Variants in SMAD6 observed in about 807,000 individuals in gnomAD.
The protein encoded by SMAD6 is MAD homolog 6.
In SMAD6, 103 loss-of-function variants were observed where a neutral mutation model predicts 39.4. The ratio of observed to expected loss-of-function variants is 2.62; its 90% CI spans 2.23 to 3.08. The LOEUF is 3.08. Ranked by LOEUF, SMAD6 falls within the 30% of genes most tolerant of loss-of-function variation. The probability of loss-of-function intolerance (pLI) is 0.00; values close to 1 mark genes in which losing one functional copy is unlikely to be tolerated. For synonymous variants in SMAD6, 445 were observed against 353.3 expected (o/e 1.26, Z -2.91); for missense variants, 1,104 against 742.9 (o/e 1.49, Z -5.65).
intron 3 of SMAD6, among the ~76,000 whole-genome samples, chr15:66,751,260 C>T (rs1894001126): frequency 6.6e-6 from 1 of 152,160 alleles, no homozygotes; most frequent in African/African-American, 2.4e-5. Context: ...ACTCCAGAAT[C>T]CGAAGGTGGG....
At chr15:66,715,790 TA>T (rs796989162) in intron 2 of SMAD6, among the ~76,000 whole-genome samples, 1 of 145,232 alleles carries the variant, frequency 6.9e-6, no homozygotes. Context: ...AAGAACGCCT[TA>T]AAAAAAAACA....
At chr15:66,717,250 C>T (rs756789825) in intron 3 of SMAD6, 5 of 684,158 alleles carry the variant, frequency 7.3e-6, no homozygotes, top group South Asian at 1.4e-5. Context: ...GGACTGACAG[C>T]CCCTCAGGCT....
At chr15:66,774,388 C>T (rs1307520220) in intron 3 of SMAD6, among the ~76,000 whole-genome samples, 1 of 152,166 alleles carries the variant, frequency 6.6e-6, no homozygotes, top group African/African-American at 2.4e-5. Context: ...ATGTTGGGCT[C>T]GCAGCACCCT....
chr15:66,716,774 A>G (rs1893338397), intron 3 of SMAD6, among the ~76,000 whole-genome samples: 1 of 152,204 alleles, frequency 6.6e-6, no homozygotes, highest in Non-Finnish European at 1.5e-5. Flanking sequence ...AAATGATAAA[A>G]GCTCAGCACA....
At chr15:66,774,986 G>A (rs1157063570) in intron 3 of SMAD6, among the ~76,000 whole-genome samples, 1 of 151,902 alleles carries the variant, frequency 6.6e-6, no homozygotes, top group Non-Finnish European at 1.5e-5. Context: ...TCAGCCTCCC[G>A]AATAGTTGGG....
At chr15:66,739,923 C>T (rs904723335) in intron 3 of SMAD6, among the ~76,000 whole-genome samples, 1 of 152,198 alleles carries the variant, frequency 6.6e-6, no homozygotes, top group Non-Finnish European at 1.5e-5. Context: ...CACAGGAACG[C>T]ACCACTGCAC....
chr15:66,751,954 ACTC>A (rs1397684807), intron 3 of SMAD6, among the ~76,000 whole-genome samples: 1 of 150,020 alleles, frequency 6.7e-6, no homozygotes, highest in Non-Finnish European at 1.5e-5. Flanking sequence ...CTTTCCTCCT[ACTC>A]CTTCCGTAGG....
At chr15:66,727,102 CTT>C (rs35592663) in intron 3 of SMAD6, among the ~76,000 whole-genome samples, 123 of 141,272 alleles carry the variant, frequency 8.7e-4, no homozygotes, top group Admixed American at 9.7e-4. Flanking sequence ...TCTTCTTCTT[CTT>C]TTTTTTTTTT....
chr15:66,716,504 C>T lies in SMAD6; in HGVS notation c.952+6C>T. ...TGCTCCGGGTGAATTCTCAGGTCAG[C>T]ATTTTTTCTTGTGCATTGCTGTTGT... On this transcript the variant is annotated splice_donor_region_variant and intron_variant, in intron 3 of 3. Transcript: ENST00000288840. The T allele has an allele frequency of 6.2e-7, 1 of 1,606,990 alleles. No individual in the cohort carries two copies. The highest frequency in any genetic ancestry group is 8.5e-7 in the Non-Finnish European group (1 of 1,173,560).
In SMAD6 at chr15:66,781,368, G is replaced by C. The variant is rs778302338; in HGVS notation, c.1324G>C (p.Glu442Gln). The change falls in exon 4 of 4, where the codon GAG (glutamate) becomes CAG (glutamine). Residue 442 changes from glutamate to glutamine, a missense_variant. Coordinates refer to ENST00000288840, the MANE Select transcript of SMAD6 (RefSeq NM_005585.5). Reference sequence around the variant, plus strand: ...CTACTCCATCAAGGTGTTCGACTTCGAGCGCTCGGGCCTGCAGCACGCGCC... The same window carrying C: ...CTACTCCATCAAGGTGTTCGACTTCCAGCGCTCGGGCCTGCAGCACGCGCC... Reference protein sequence around the residue: ...PGYSIKVFDFERSGLQHAPEP... With the variant: ...PGYSIKVFDFQRSGLQHAPEP... The C allele has an allele frequency of 1.3e-6, 2 of 1,599,874 alleles. No homozygotes were observed. The highest frequency in any genetic ancestry group is 1.1e-5 in the South Asian group (1 of 90,838).
intron 3 of SMAD6, among the ~76,000 whole-genome samples, chr15:66,765,684 A>T (rs1018269961): frequency 1.1e-4 from 16 of 152,300 alleles, no homozygotes; most frequent in Non-Finnish European, 1.9e-4. Context: ...CACAGACAAG[A>T]GAAACCGAGT....
chr15:66,754,199 G>A (rs891638506), intron 3 of SMAD6, among the ~76,000 whole-genome samples: 16 of 152,110 alleles, frequency 1.1e-4, no homozygotes, highest in African/African-American at 3.9e-4. Flanking sequence ...TCAGTAAGTG[G>A]GCCAACCTCT....
intron 3 of SMAD6, among the ~76,000 whole-genome samples, chr15:66,748,638 C>T (rs897870810): frequency 2.0e-5 from 3 of 152,160 alleles, no homozygotes; most frequent in Non-Finnish European, 4.4e-5. Flanking sequence ...TGAACTGCCA[C>T]CTGAATCTCC....
rs1167279905 is a variant in SMAD6, at chr15:66,703,339, C to T, written c.81C>T (p.Ser27=). 31 of 1,477,692 alleles carry T rather than the reference C, an allele frequency of 2.1e-5. No homozygotes were observed. The highest frequency in any genetic ancestry group is 2.8e-5 in the Non-Finnish European group (31 of 1,113,452). The allele number at this position is 1,477,692 out of a possible 1,614,324, so 91.5% of individuals were successfully genotyped here. Residue 27 remains serine (S), a synonymous_variant, in exon 1 of 4, where the codon AGC becomes AGT. Coordinates refer to ENST00000288840, the MANE Select transcript of SMAD6 (RefSeq NM_005585.5). ...RVVPDREEGG[S]GGGGGGDEDG... ...TCCCCGACCGGGAGGAAGGCGGCAG[C>T]GGCGGCGGCGGTGGCGGCGACGAGG...
At chr15:66,745,191 T>G (rs1893886043) in intron 3 of SMAD6, among the ~76,000 whole-genome samples, 1 of 152,114 alleles carries the variant, frequency 6.6e-6, no homozygotes, top group African/African-American at 2.4e-5. Context: ...CCCCTCTGTT[T>G]TGAATAAGGT....
chr15:66,778,840 T>C (rs1894510700), intron 3 of SMAD6, among the ~76,000 whole-genome samples: 1 of 152,182 alleles, frequency 6.6e-6, no homozygotes, highest in Non-Finnish European at 1.5e-5. Flanking sequence ...AGAGGTGAGA[T>C]GAGGCTGTTG....
chr15:66,764,508 C>A (rs1314178743), intron 3 of SMAD6, among the ~76,000 whole-genome samples: 3 of 152,120 alleles, frequency 2.0e-5, no homozygotes, highest in African/African-American at 7.2e-5. Context: ...GGGGCCAAGT[C>A]ATCTGTCTTG....
At chr15:66,714,386 T>TA (rs141664155) in intron 2 of SMAD6, among the ~76,000 whole-genome samples, 9 of 150,346 alleles carry the variant, frequency 6.0e-5, no homozygotes, top group South Asian at 4.2e-4. Context: ...TTGAAGTGGT[T>TA]AAAAAAAAAA....
In SMAD6 at chr15:66,781,139, C is replaced by T. The variant is rs1400683904; in HGVS notation, c.1095C>T (p.Gly365=). 2.5e-6 allele frequency: 4 copies of T among 1,608,606 alleles called. No individual in the cohort carries two copies. Among genetic ancestry groups the T allele is most frequent in the Admixed American group, 1.7e-5 (1 of 59,998 alleles). Residue 365 remains glycine, a synonymous_variant, in exon 4 of 4, where the codon GGC becomes GGT. Coordinates refer to ENST00000288840, the MANE Select transcript of SMAD6 (RefSeq NM_005585.5). ...TCTACGACCTACCTCAGGGCAGCGGCTTCTGCCTGGGCCAGCTCAACCTGG... is the reference window on the plus strand; with the variant it reads ...TCTACGACCTACCTCAGGGCAGCGGTTTCTGCCTGGGCCAGCTCAACCTGG... The part of the protein sequence containing the change: ...SIFYDLPQGS[G]FCLGQLNLEQ...
Sources: gnomAD v4.1 joint callset for allele counts (sites outside exome capture counted in the v4.1 genomes callset) on GRCh38, gnomAD v4.1.1 for gene constraint, MANE v1.5 for transcripts, NCBI Gene and HGNC (gene_info 2026-07-23, HGNC 2026-07-21) for gene names.